EPB41L4A: variants seen among roughly 807,000 people sequenced by gnomAD.
The protein encoded by EPB41L4A is band 4.1-like protein 4A.
EPB41L4A carries 100 observed loss-of-function variants against 108.6 expected under a neutral mutation model. That is an observed-to-expected ratio of 0.92 (90% CI 0.78 to 1.09). The LOEUF is 1.09. Ranked by LOEUF, EPB41L4A falls within the 50% of genes least tolerant of loss-of-function variation. The pLI, the probability that EPB41L4A is intolerant of heterozygous loss-of-function variation, is 0.00. For missense variants in EPB41L4A, 1,030 were observed against 842.7 expected (o/e 1.22, Z -2.75); for synonymous variants, 319 against 289.0 (o/e 1.10, Z -1.05).
chr5:112,315,513 C>T (rs1172269276), intron 1 of EPB41L4A, among the ~76,000 whole-genome samples: 2 of 152,092 alleles, frequency 1.3e-5, no homozygotes, highest in South Asian at 2.1e-4. Flanking sequence ...ACCAATCAGA[C>T]TTATGAAATT....
chr5:112,213,930 C>T (rs188420591), intron 12 of EPB41L4A, among the ~76,000 whole-genome samples: 8 of 152,272 alleles, frequency 5.3e-5, no homozygotes, highest in Non-Finnish European at 1.5e-5. Flanking sequence ...TATATTTTAA[C>T]CACTGTCCAA....
At chr5:112,324,969 C>T (rs1261768063) in intron 1 of EPB41L4A, among the ~76,000 whole-genome samples, 3 of 152,094 alleles carry the variant, frequency 2.0e-5, no homozygotes, top group Non-Finnish European at 4.4e-5. Context: ...TATCATCATA[C>T]TTGTAACTAG....
At chr5:112,142,003 T>A (rs1266261230), downstream of EPB41L4A, among the ~76,000 whole-genome samples, 1 of 152,210 alleles carries the variant, frequency 6.6e-6, no homozygotes, top group African/African-American at 2.4e-5. Context: ...AAAGGAGGAT[T>A]TGAGCCGAAT....
intron 12 of EPB41L4A, among the ~76,000 whole-genome samples, chr5:112,225,099 C>T (rs1748360873): frequency 6.6e-6 from 1 of 152,178 alleles, no homozygotes; most frequent in Admixed American, 6.5e-5. Flanking sequence ...CCCAAACATT[C>T]CTCCTTGCTA....
At chr5:112,326,982 C>A (rs1048131983) in intron 1 of EPB41L4A, among the ~76,000 whole-genome samples, 1 of 152,168 alleles carries the variant, frequency 6.6e-6, no homozygotes, top group Non-Finnish European at 1.5e-5. Context: ...TTAACCCTCA[C>A]GACTATACTA....
intron 1 of EPB41L4A, among the ~76,000 whole-genome samples, chr5:112,337,682 C>T (rs1337288777): frequency 1.3e-5 from 2 of 152,118 alleles, no homozygotes; most frequent in Admixed American, 6.5e-5. Context: ...ATCTCCTGCC[C>T]TCAAGAGTGT....
chr5:112,308,141 G>C (rs1754813255), intron 1 of EPB41L4A, among the ~76,000 whole-genome samples: 1 of 152,072 alleles, frequency 6.6e-6, no homozygotes, highest in South Asian at 2.1e-4. Flanking sequence ...TACATATACA[G>C]ATTCTTTAAA....
intron 2 of EPB41L4A, 129 bp from the exon 3 acceptor site, chr5:112,280,452 A>G: frequency 6.4e-6 from 5 of 776,420 alleles, no homozygotes; most frequent in South Asian, 2.9e-5. Context: ...TCTCTCATAT[A>G]CACACACAAA....
intron 17 of EPB41L4A, among the ~76,000 whole-genome samples, chr5:112,186,824 T>G (rs1365697326): frequency 6.6e-6 from 1 of 152,190 alleles, no homozygotes; most frequent in East Asian, 1.9e-4. Context: ...ACACAGGTGC[T>G]ACTTGGAAAG....
rs529318975 is a variant in EPB41L4A at position 112,393,254 on chromosome 5, A to G, written c.99+25687T>C. On this transcript the variant is annotated intron_variant, in intron 1 of 22. Transcript: ENST00000261486. ...ATAACTAAGATCAGAGCAGAACTGA[A>G]GGAGATAGAGACACAAAAAAACCAT... 3.0e-4 allele frequency among the ~76,000 whole-genome samples: 45 copies of G among 152,330 alleles called. No homozygotes were observed. In the South Asian group the frequency reaches 3.9e-3, roughly 13 times the overall value.
chr5:112,337,952 G>C (rs910206169), intron 1 of EPB41L4A, among the ~76,000 whole-genome samples: 2 of 152,026 alleles, frequency 1.3e-5, no homozygotes, highest in Admixed American at 6.5e-5. Context: ...CTGGGCACAT[G>C]GAAAGACAAA....
intron 11 of EPB41L4A, 137 bp downstream of exon 11, chr5:112,239,523 C>T (rs1749616808): frequency 2.1e-6 from 1 of 480,522 alleles, no homozygotes; most frequent in Admixed American, 4.2e-5. Flanking sequence ...TTTTAATAAA[C>T]TGTTATGCTT....
intron 2 of EPB41L4A, among the ~76,000 whole-genome samples, chr5:112,300,410 T>C (rs1333451405): frequency 6.6e-6 from 1 of 152,204 alleles, no homozygotes; most frequent in Non-Finnish European, 1.5e-5. Flanking sequence ...TTATGAAGCT[T>C]AGTTTTGCTG....
intron 12 of EPB41L4A, among the ~76,000 whole-genome samples, chr5:112,155,651 G>T (rs1759621163): frequency 6.6e-6 from 1 of 151,958 alleles, no homozygotes; most frequent in Admixed American, 6.6e-5. Flanking sequence ...AAGTGTTAAA[G>T]AACTTTATAG....
intron 12 of EPB41L4A, among the ~76,000 whole-genome samples, chr5:112,229,064 A>C (rs1748676566): frequency 1.3e-5 from 2 of 152,358 alleles, no homozygotes; most frequent in Middle Eastern, 3.4e-3. Flanking sequence ...CTAGTCATCT[A>C]GTTTGATTGA....
intron 1 of EPB41L4A, among the ~76,000 whole-genome samples, chr5:112,390,496 T>C (rs965729791): frequency 1.3e-5 from 2 of 151,032 alleles, no homozygotes; most frequent in African/African-American, 4.9e-5. Context: ...GGTGGGGGAG[T>C]GGCATCTGCC....
In EPB41L4A at chr5:112,301,772, T is replaced by A; in HGVS notation, c.204+5614A>T. ...ATTATTAAAATGCATAGTATTTTGC[T>A]GTTTTAATTAATTGTATAGTGACAA... On this transcript the variant is annotated intron_variant, in intron 2 of 22. Coordinates refer to ENST00000261486, the MANE Select transcript of EPB41L4A (RefSeq NM_022140.5). Among the ~76,000 whole-genome samples, 2 of 152,322 alleles carry A rather than the reference T, an allele frequency of 1.3e-5. 1 individual carries two copies. Among genetic ancestry groups the A allele is most frequent in the South Asian group, 4.1e-4 (2 of 4,832 alleles).
intron 12 of EPB41L4A, among the ~76,000 whole-genome samples, chr5:112,154,198 C>T (rs916622720): frequency 2.6e-5 from 4 of 152,164 alleles, no homozygotes; most frequent in Non-Finnish European, 4.4e-5. Context: ...TCCACTACTG[C>T]GGCATTAGAG....
At chr5:112,196,080 C>G (rs1761953821) in intron 15 of EPB41L4A, among the ~76,000 whole-genome samples, 1 of 152,116 alleles carries the variant, frequency 6.6e-6, no homozygotes, top group Admixed American at 6.6e-5. Context: ...TTTATCTCTT[C>G]TCTCATAATC....
Sources: gnomAD v4.1 joint callset for allele counts (sites outside exome capture counted in the v4.1 genomes callset) on GRCh38, gnomAD v4.1.1 for gene constraint, MANE v1.5 for transcripts, NCBI Gene and HGNC (gene_info 2026-07-23, HGNC 2026-07-21) for gene names.